SLC39A12: variants seen among roughly 807,000 people sequenced by gnomAD.
The protein encoded by SLC39A12 is solute carrier family 39 member 12, also known as zinc transporter ZIP12.
In SLC39A12, 63 loss-of-function variants were observed where a neutral mutation model predicts 71.1. That is an observed-to-expected ratio of 0.89 (90% CI 0.72 to 1.09). The LOEUF (loss-of-function observed/expected upper bound fraction) is 1.09. SLC39A12 is among the 50% of genes least tolerant of loss of function. The pLI is 0.00. For missense variants in SLC39A12, 892 were observed against 812.6 expected, an observed-to-expected ratio of 1.10 and a Z score of -1.19; for synonymous variants, 351 against 301.3, an observed-to-expected ratio of 1.16 and a Z score of -1.71.
At position 18,042,898 on chromosome 10, in the gene SLC39A12, C is replaced by T. The variant is rs111915711; in HGVS notation, c.*65C>T. ...GTCTTACTTTGTTTCTTTCATTGCA[C>T]TCTATAATGATTTTTAAATTAAGAA... is the stretch of plus-strand genomic sequence containing the variant. On this transcript the variant is annotated 3_prime_UTR_variant, in exon 13 of 13. Transcript: ENST00000377369. 2 of 1,391,598 alleles carry T rather than the reference C, an allele frequency of 1.4e-6. No individual in the cohort carries two copies. Among genetic ancestry groups the T allele is most frequent in the Admixed American group, 4.7e-5 (2 of 42,152 alleles). The allele number at this position is 1,391,598 out of a possible 1,614,324, so 86.2% of individuals were successfully genotyped here. A position where few individuals can be genotyped will look rare whatever the true frequency, so the allele number is the denominator to read the frequency against.
Position 18,038,171 on chromosome 10 carries a change from G to T in SLC39A12, c.1948-4534G>T, listed in dbSNP as rs560127077. The stretch of plus-strand genomic sequence containing the variant: ...CCATGTAAATGTTGCCTCTGGAGTT[G>T]TGAAAATGTTCATGGTGTTTTCTGG... On this transcript the variant is annotated intron_variant, in intron 12 of 12. Transcript: ENST00000377369. 3.3e-5 allele frequency among the ~76,000 whole-genome samples: 5 copies of T among 150,430 alleles called. No homozygotes were observed. In the South Asian group the frequency reaches 1.1e-3, roughly 32 times the overall value.
Position 17,987,607 on chromosome 10 carries a change from G to A in SLC39A12, c.1225G>A (p.Val409Ile), listed in dbSNP as rs201193207. 53 of 1,614,026 alleles carry A rather than the reference G, an allele frequency of 3.3e-5. No individual in the cohort carries two copies. The highest frequency in any genetic ancestry group is 3.9e-5 in the Non-Finnish European group (46 of 1,180,036). ...LILQLFVGLA[V>I]GTLSGDALLH... ...CTTACAGCTGTTTGTGGGCTTGGCC[G>A]TCGGGACACTGTCTGGGGACGCTCT... Residue 409 changes from valine to isoleucine, a missense_variant, in exon 7 of 13, where the codon GTC becomes ATC. Val to Ile is a conservative substitution (Grantham distance 29). Transcript: ENST00000377369.
intron 12 of SLC39A12, chr10:18,007,138 C>T (rs1284959943): frequency 6.6e-6 from 1 of 152,298 alleles, no homozygotes; most frequent in Non-Finnish European, 1.5e-5. Flanking sequence ...CCCTGCTGGC[C>T]CTGAGGCCAT....
intron 12 of SLC39A12, among the ~76,000 whole-genome samples, chr10:18,003,564 T>C (rs943335): frequency 0.39 from 59,540 of 152,092 alleles, 12,900 homozygotes; most frequent in Non-Finnish European, 0.49. Flanking sequence ...ACTGACATTT[T>C]CTGTAGTGTT....
At chr10:17,967,101 C>T (rs1341861831) in intron 4 of SLC39A12, among the ~76,000 whole-genome samples, 5 of 152,076 alleles carry the variant, frequency 3.3e-5, no homozygotes, top group African/African-American at 1.2e-4. Context: ...TTATACGTGT[C>T]ACACTTCTTC....
intron 4 of SLC39A12, among the ~76,000 whole-genome samples, chr10:17,971,178 C>T (rs777219553): frequency 3.7e-4 from 55 of 149,434 alleles, no homozygotes; most frequent in Middle Eastern, 3.5e-3. Flanking sequence ...TATGAATGAT[C>T]TTTTTAATGG....
Position 17,978,167 on chromosome 10 carries a change from G to T in SLC39A12, c.924+93G>T, listed in dbSNP as rs2437260. 15 of 1,055,442 alleles carry T rather than the reference G, an allele frequency of 1.4e-5. No homozygotes were observed. In the African/African-American group the frequency reaches 2.1e-4, roughly 15 times the overall value. The allele number at this position is 1,055,442 out of a possible 1,614,324, so 65.4% of individuals were successfully genotyped here. A position where few individuals can be genotyped will look rare whatever the true frequency, so the allele number is the denominator to read the frequency against. On this transcript the variant is annotated intron_variant, in intron 5 of 12. Transcript: ENST00000377369. ...ATTAGAGTTGTAGAAAACTTAAAGA[G>T]TATTGTGTATTATCTTGAAAAGTAA...
intron 12 of SLC39A12, among the ~76,000 whole-genome samples, chr10:18,029,160 C>A (rs770493685): frequency 6.6e-6 from 1 of 152,148 alleles, no homozygotes; most frequent in Non-Finnish European, 1.5e-5. Context: ...CGTGAGCCAC[C>A]GTGCCCAGCC....
At chr10:17,979,789 A>G (rs1009194187) in intron 5 of SLC39A12, among the ~76,000 whole-genome samples, 2 of 152,094 alleles carry the variant, frequency 1.3e-5, no homozygotes, top group Non-Finnish European at 2.9e-5. Flanking sequence ...CTTGGGCAAA[A>G]CTGATTGAAC....
intron 12 of SLC39A12, among the ~76,000 whole-genome samples, chr10:18,019,679 G>T (rs11492529): frequency 6.6e-6 from 1 of 151,830 alleles, no homozygotes. Context: ...TTATTTAGAG[G>T]TATGTTATTT....
intron 11 of SLC39A12, 83 bp from the exon 12 acceptor site, chr10:18,003,088 C>A (rs571020167): frequency 2.3e-6 from 3 of 1,298,820 alleles, no homozygotes; most frequent in African/African-American, 1.5e-5. Context: ...TGCTGACATT[C>A]GAAATAGCTA....
chr10:17,957,223 G>C (rs1834573767), intron 2 of SLC39A12, among the ~76,000 whole-genome samples: 1 of 152,110 alleles, frequency 6.6e-6, no homozygotes, highest in South Asian at 2.1e-4. Flanking sequence ...TTTTTTGTCA[G>C]CTGAGGCTCT....
chr10:18,003,301 A>G lies in SLC39A12; in HGVS notation c.1890A>G (p.Gln630=). 4 of 1,614,090 alleles carry G rather than the reference A, an allele frequency of 2.5e-6. No homozygotes were observed. The highest frequency in any genetic ancestry group is 3.4e-6 in the Non-Finnish European group (4 of 1,180,000). The change falls in exon 12 of 13, where the codon CAA becomes CAG. Residue 630 remains glutamine (Q), a synonymous_variant. Transcript: ENST00000377369. ...GLSVSADPCV[Q]DWIFTVTAGM... ...CCGTGTCAGCTGATCCATGTGTTCA[A>G]GACTGGATCTTCACAGTCACTGCTG...
At chr10:17,975,856 C>T (rs1350203853) in intron 4 of SLC39A12, among the ~76,000 whole-genome samples, 1 of 152,182 alleles carries the variant, frequency 6.6e-6, no homozygotes, top group African/African-American at 2.4e-5. Flanking sequence ...CTGCTAGGAT[C>T]AGGGGTTCCC....
At chr10:18,037,209 TTA>T (rs1837077429) in intron 12 of SLC39A12, among the ~76,000 whole-genome samples, 1 of 152,206 alleles carries the variant, frequency 6.6e-6, no homozygotes, top group South Asian at 2.1e-4. Flanking sequence ...CTGTTATTGT[TTA>T]TTGATTTATT....
intron 12 of SLC39A12, among the ~76,000 whole-genome samples, chr10:18,030,287 G>A (rs1212234286): frequency 6.6e-6 from 1 of 150,884 alleles, no homozygotes; most frequent in Admixed American, 6.6e-5. Context: ...TTTTGAGATG[G>A]AGTCTCTCTC....
intron 12 of SLC39A12, among the ~76,000 whole-genome samples, chr10:18,036,771 TATATATA>T (rs1837045411): frequency 2.1e-5 from 1 of 47,020 alleles, no homozygotes; most frequent in African/African-American, 1.2e-4. Flanking sequence ...TATATATATA[TATATATA>T]TATATATATA....
rs782725317 is a variant in SLC39A12 at position 17,953,286 on chromosome 10, C to G, written c.10C>G (p.Arg4Gly). The G allele has an allele frequency of 1.2e-6, 2 of 1,613,954 alleles. No homozygotes were observed. Among genetic ancestry groups the G allele is most frequent in the East Asian group, 2.2e-5 (1 of 44,890 alleles). Residue 4 changes from arginine to glycine, a missense_variant, in exon 2 of 13, where the codon CGG becomes GGG. Transcript: ENST00000377369. MCF[R>G]TKLSVSWVPL... Reference sequence around the variant, plus strand: ...TGGAGGAAGCGTGGAAATGTGCTTCCGGACAAAGCTCTCAGTATCCTGGGT... The same window carrying G: ...TGGAGGAAGCGTGGAAATGTGCTTCGGGACAAAGCTCTCAGTATCCTGGGT...
At chr10:18,029,256 A>G (rs1836768816) in intron 12 of SLC39A12, among the ~76,000 whole-genome samples, 1 of 152,142 alleles carries the variant, frequency 6.6e-6, no homozygotes, top group Non-Finnish European at 1.5e-5. Context: ...CAATTAGGTA[A>G]CAGAACTTGC....
Sources: allele counts gnomAD v4.1 joint callset (sites outside exome capture counted in the v4.1 genomes callset), GRCh38; gene constraint gnomAD v4.1.1; transcripts MANE v1.5; gene names NCBI Gene and HGNC (gene_info 2026-07-23, HGNC 2026-07-21).